Variants in GUCY1A2 observed in about 807,000 individuals in gnomAD.
GUCY1A2 encodes guanylate cyclase soluble subunit alpha-2.
Under a neutral mutation model 63.5 loss-of-function variants are expected in GUCY1A2, and 27 were observed. The ratio of observed to expected loss-of-function variants is 0.43; its 90% CI spans 0.31 to 0.59. The LOEUF (loss-of-function observed/expected upper bound fraction) is 0.59. Ranked by LOEUF, GUCY1A2 falls within the 20% of genes least tolerant of loss-of-function variation. GUCY1A2 has a pLI of 0.11. For synonymous variants in GUCY1A2, 364 were observed against 343.5 expected, an observed-to-expected ratio of 1.06 and a Z score of -0.66; for missense variants, 768 against 913.3, an observed-to-expected ratio of 0.84 and a Z score of 2.05.
intron 5 of GUCY1A2, among the ~76,000 whole-genome samples, chr11:106,803,660 T>C (rs762576120): frequency 2.0e-5 from 3 of 152,180 alleles, no homozygotes; most frequent in Non-Finnish European, 1.5e-5. Context: ...TACATAAATC[T>C]CATTTAAAAG....
intron 6 of GUCY1A2, among the ~76,000 whole-genome samples, chr11:106,776,222 C>T (rs1164438764): frequency 6.6e-6 from 1 of 152,144 alleles, no homozygotes; most frequent in Non-Finnish European, 1.5e-5. Flanking sequence ...CTTTCCTCCA[C>T]AGTAATTTGC....
At chr11:106,866,272 G>A (rs1011039279) in intron 4 of GUCY1A2, among the ~76,000 whole-genome samples, 6 of 151,832 alleles carry the variant, frequency 4.0e-5, no homozygotes, top group Non-Finnish European at 8.8e-5. Context: ...AAGGAAGGGA[G>A]GACAGGAGGA....
intron 4 of GUCY1A2, among the ~76,000 whole-genome samples, chr11:106,914,622 A>T (rs182533550): frequency 0.012 from 1,887 of 152,072 alleles, 26 homozygotes; most frequent in South Asian, 0.046. Flanking sequence ...AATCACAAGG[A>T]AATAATTACA....
chr11:106,829,222 A>G (rs890094766), intron 4 of GUCY1A2, among the ~76,000 whole-genome samples: 1 of 152,224 alleles, frequency 6.6e-6, no homozygotes, highest in Non-Finnish European at 1.5e-5. Flanking sequence ...TGGAACACAC[A>G]ATCACAATTA....
At chr11:106,741,274 T>A (rs1863689984) in intron 6 of GUCY1A2, among the ~76,000 whole-genome samples, 1 of 152,232 alleles carries the variant, frequency 6.6e-6, no homozygotes, top group African/African-American at 2.4e-5. Context: ...TCAAGTCTGG[T>A]ATGTAGTTTT....
At chr11:106,709,350 ATATTT>A (rs1276941259) in intron 6 of GUCY1A2, among the ~76,000 whole-genome samples, 130 of 100,798 alleles carry the variant, frequency 1.3e-3, no homozygotes, top group African/African-American at 4.6e-3. Flanking sequence ...ATAAATTTAT[ATATTT>A]TATATAATAT....
chr11:106,728,720 C>T (rs960705497), intron 6 of GUCY1A2, among the ~76,000 whole-genome samples: 1 of 152,014 alleles, frequency 6.6e-6, no homozygotes, highest in African/African-American at 2.4e-5. Context: ...TTATAATTAC[C>T]GAAGATCAAT....
chr11:106,745,358 C>G lies in GUCY1A2; in HGVS notation c.1836+31081G>C, dbSNP rs148862088. 6.5e-4 allele frequency among the ~76,000 whole-genome samples: 99 copies of G among 152,326 alleles called. 1 individual carries two copies. The highest frequency in any genetic ancestry group is 2.4e-3 in the African/African-American group (99 of 41,576). On this transcript the variant is annotated intron_variant, in intron 6 of 7. Transcript: ENST00000526355. ...AAAAAATAAATGAGAAGTACTTTGT[C>G]TAATTGGTTCTCCACTTCTTAAAAA...
intron 4 of GUCY1A2, among the ~76,000 whole-genome samples, chr11:106,919,729 G>A (rs940059322): frequency 2.0e-5 from 3 of 152,020 alleles, no homozygotes; most frequent in African/African-American, 4.8e-5. Flanking sequence ...AATCCCTGAA[G>A]TAGAAAAAAG....
At chr11:106,800,885 A>AT (rs1864864745) in intron 5 of GUCY1A2, among the ~76,000 whole-genome samples, 1 of 139,032 alleles carries the variant, frequency 7.2e-6, no homozygotes, top group African/African-American at 2.9e-5. Context: ...CTTAAAGTAT[A>AT]AAAAAAAAAA....
At chr11:106,849,775 T>C (rs1280482809) in intron 4 of GUCY1A2, among the ~76,000 whole-genome samples, 2 of 151,628 alleles carry the variant, frequency 1.3e-5, no homozygotes, top group Non-Finnish European at 3.0e-5. Flanking sequence ...TAATATTCCA[T>C]CCAAACTGAG....
In GUCY1A2 at chr11:106,915,849, A is replaced by T. The variant is rs889352380; in HGVS notation, c.1206+23611T>A. Reference sequence around the variant, plus strand: ...TGAGCATTACAAGCTGAAACCCCTTAAGCCACTTTGGATTTAAGAACAACT... The same window carrying T: ...TGAGCATTACAAGCTGAAACCCCTTTAGCCACTTTGGATTTAAGAACAACT... On this transcript the variant is annotated intron_variant, in intron 4 of 7. Coordinates refer to ENST00000526355, the MANE Select transcript of GUCY1A2 (RefSeq NM_000855.3). Among the ~76,000 whole-genome samples the T allele has an allele frequency of 2.1e-5, 3 of 145,238 alleles. 1 individual carries two copies. Among genetic ancestry groups the T allele is most frequent in the African/African-American group, 7.3e-5 (3 of 40,902 alleles).
chr11:107,015,955 G>A (rs928839865), intron 1 of GUCY1A2, among the ~76,000 whole-genome samples: 1 of 152,124 alleles, frequency 6.6e-6, no homozygotes, highest in Non-Finnish European at 1.5e-5. Context: ...GAAGATGACT[G>A]TTTCTCAATA....
At chr11:106,969,842 C>T (rs1390578109) in intron 3 of GUCY1A2, among the ~76,000 whole-genome samples, 1 of 152,146 alleles carries the variant, frequency 6.6e-6, no homozygotes, top group Non-Finnish European at 1.5e-5. Flanking sequence ...CACTGCCCTC[C>T]CCAGAGGCTA....
chr11:106,872,487 T>C (rs1452296040), intron 4 of GUCY1A2, among the ~76,000 whole-genome samples: 1 of 152,182 alleles, frequency 6.6e-6, no homozygotes, highest in Non-Finnish European at 1.5e-5. Flanking sequence ...ACTGGAACTT[T>C]AATTCTGAAG....
At chr11:106,920,333 C>T (rs1050937298) in intron 4 of GUCY1A2, among the ~76,000 whole-genome samples, 8 of 152,052 alleles carry the variant, frequency 5.3e-5, no homozygotes, top group Non-Finnish European at 7.4e-5. Flanking sequence ...CAGGTTATTA[C>T]GTTATTTATG....
At position 106,725,328 on chromosome 11, in the gene GUCY1A2, A is replaced by T. The variant is rs1302476551; in HGVS notation, c.1837-16662T>A. 1.9e-5 allele frequency among the ~76,000 whole-genome samples: 2 copies of T among 106,858 alleles called. 1 individual carries two copies. Among genetic ancestry groups the T allele is most frequent in the East Asian group, 4.2e-4 (2 of 4,770 alleles). The allele number at this position is 106,858 out of a possible 152,430, so 70.1% of individuals were successfully genotyped here. ...GCTGGGACTACAGGCGCCCGCCACT[A>T]CGCCCGGCTAATTTTTTGTATTTTT... On this transcript the variant is annotated intron_variant, in intron 6 of 7. Transcript: ENST00000526355.
rs1862480803 is a variant in GUCY1A2, at chr11:106,684,179, G to A, written c.*3370C>T. 1 of 184,438 alleles carries A rather than the reference G, an allele frequency of 5.4e-6. No homozygotes were observed. Among genetic ancestry groups the A allele is most frequent in the Non-Finnish European group, 1.1e-5 (1 of 87,036 alleles). The allele number at this position is 184,438 out of a possible 1,614,324, so 11.4% of individuals were successfully genotyped here. A position where few individuals can be genotyped will look rare whatever the true frequency, so the allele number is the denominator to read the frequency against. ...TGCAAGACTGTAAGAAACAACATTT[G>A]AAGTGCTGAACCTACAGACCCACTC... On this transcript the variant is annotated 3_prime_UTR_variant, in exon 8 of 8. Coordinates refer to ENST00000526355, the MANE Select transcript of GUCY1A2 (RefSeq NM_000855.3).
At chr11:106,891,967 T>C (rs550052305) in intron 4 of GUCY1A2, among the ~76,000 whole-genome samples, 6 of 152,194 alleles carry the variant, frequency 3.9e-5, no homozygotes, top group African/African-American at 1.4e-4. Flanking sequence ...ACTGGAGTTA[T>C]GTATCAGTGG....
Sources: gnomAD v4.1 joint callset for allele counts (sites outside exome capture counted in the v4.1 genomes callset) on GRCh38, gnomAD v4.1.1 for gene constraint, MANE v1.5 for transcripts, NCBI Gene and HGNC (gene_info 2026-07-23, HGNC 2026-07-21) for gene names.